The following PDCD11 variants were observed in gnomAD, a reference collection of about 807,000 sequenced individuals.
PDCD11 encodes programmed cell death 11, also known as protein RRP5 homolog.
PDCD11 carries 97 observed loss-of-function variants against 198.9 expected under a neutral mutation model. That is an observed-to-expected ratio of 0.49 (90% CI 0.41 to 0.58). The LOEUF (loss-of-function observed/expected upper bound fraction) is 0.58. PDCD11 is among the 20% of genes least tolerant of loss of function. The pLI is 0.00. For synonymous variants in PDCD11, 893 were observed against 918.0 expected (o/e 0.97, Z 0.49); for missense variants, 2,102 against 2,312.7 (o/e 0.91, Z 1.87).
At chr10:103,409,629 G>A in intron 7 of PDCD11, 70 bp from the exon 8 acceptor site, 1 of 1,022,074 alleles carries the variant, frequency 9.8e-7, no homozygotes, top group Non-Finnish European at 1.6e-6. Flanking sequence ...AGTGTTTACT[G>A]TGAGCAATGT....
intron 17 of PDCD11, among the ~76,000 whole-genome samples, chr10:103,422,144 C>T (rs974672214): frequency 2.8e-4 from 42 of 148,992 alleles, no homozygotes; most frequent in Admixed American, 8.0e-4. Context: ...TGTGGTGGTG[C>T]GATCTTGGCC....
intron 25 of PDCD11, among the ~76,000 whole-genome samples, chr10:103,436,783 A>G (rs2032172057): frequency 1.3e-5 from 2 of 152,248 alleles, no homozygotes; most frequent in South Asian, 4.1e-4. Flanking sequence ...TCTGATGGCT[A>G]TGATGCCACG....
chr10:103,438,182 A>G, intron 26 of PDCD11, 111 bp downstream of exon 26: 1 of 817,798 alleles, frequency 1.2e-6, no homozygotes, highest in Non-Finnish European at 2.1e-6. Context: ...TCTGCTCATC[A>G]CTTTTTATCC....
chr10:103,405,337 C>G (rs1279488638), intron 5 of PDCD11, 154 bp downstream of exon 5: 3 of 630,074 alleles, frequency 4.8e-6, no homozygotes, highest in Non-Finnish European at 8.3e-6. Flanking sequence ...TCTTTGGGCA[C>G]TTAATGGACA....
In PDCD11 at chr10:103,443,284, A is replaced by G. The variant is rs1410270268; in HGVS notation, c.5075A>G (p.Lys1692Arg). The change falls in exon 33 of 36, where the codon AAA becomes AGA. Residue 1692 changes from lysine (K) to arginine (R), a missense_variant. Physicochemically the swap from Lys to Arg is conservative, Grantham distance 26. Transcript: ENST00000369797. Reference sequence around the variant, plus strand: ...GCCGTGCAGTACAACGAGCCTCTCAAAGTCTTTCTCCACCTGGCTGACATC... The same window carrying G: ...GCCGTGCAGTACAACGAGCCTCTCAGAGTCTTTCTCCACCTGGCTGACATC... ...ERAVQYNEPL[K>R]VFLHLADIYA... is the part of the protein sequence containing the mutation. 3 of 1,612,446 alleles carry G rather than the reference A, an allele frequency of 1.9e-6. No homozygotes were observed. Among genetic ancestry groups the G allele is most frequent in the African/African-American group, 2.7e-5 (2 of 74,852 alleles).
intron 6 of PDCD11, 34 bp downstream of exon 6, chr10:103,406,142 T>G (rs1443516334): frequency 6.2e-7 from 1 of 1,608,064 alleles, no homozygotes; most frequent in African/African-American, 1.3e-5. Context: ...TACATGGTGG[T>G]GAGGTGGTAC....
At chr10:103,420,504 G>C (rs2031360636) in intron 16 of PDCD11, among the ~76,000 whole-genome samples, 1 of 152,136 alleles carries the variant, frequency 6.6e-6, no homozygotes, top group African/African-American at 2.4e-5. Context: ...AGAGCCTCCT[G>C]GTGTGCCTGG....
chr10:103,443,139 T>A (rs2032459747), intron 32 of PDCD11, 26 bp from the exon 33 acceptor site: 3 of 1,549,140 alleles, frequency 1.9e-6, no homozygotes, highest in Non-Finnish European at 1.8e-6. Context: ...CATGTGGCGC[T>A]CATGTGCTGA....
At chr10:103,443,381 A>G (rs772662012) in intron 33 of PDCD11, 48 bp downstream of exon 33, 32 of 1,532,312 alleles carry the variant, frequency 2.1e-5, no homozygotes, top group African/African-American at 1.1e-4. Flanking sequence ...CAGGGCCACA[A>G]TCTCAGAGAA....
chr10:103,443,852 TTGTC>T (rs1393530649), intron 33 of PDCD11, 59 bp from the exon 34 acceptor site: 29 of 1,525,546 alleles, frequency 1.9e-5, no homozygotes, highest in Non-Finnish European at 2.3e-5. Context: ...GTGTTGCTGC[TTGTC>T]TGTCTTGTCC....
chr10:103,409,913 T>C (rs1406545801), intron 8 of PDCD11, 107 bp downstream of exon 8: 3 of 779,270 alleles, frequency 3.8e-6, no homozygotes, highest in Non-Finnish European at 6.8e-6. Flanking sequence ...CATACAGGTG[T>C]GCAGAGAGGA....
chr10:103,430,630 A>C (rs12265142), intron 21 of PDCD11, among the ~76,000 whole-genome samples: 7,771 of 133,860 alleles, frequency 0.058, 665 homozygotes, highest in African/African-American at 0.2. Context: ...AACACTCGTT[A>C]TTTTCTTTTT....
At chr10:103,418,035 G>C in intron 14 of PDCD11, 103 bp downstream of exon 14, 8 of 1,328,330 alleles carry the variant, frequency 6.0e-6, no homozygotes, top group Non-Finnish European at 8.5e-6. Context: ...AAAGATAGAG[G>C]TAGCTAGATA....
intron 8 of PDCD11, among the ~76,000 whole-genome samples, chr10:103,411,512 C>G (rs1356900410): frequency 1.3e-5 from 2 of 152,080 alleles, no homozygotes; most frequent in African/African-American, 4.8e-5. Context: ...ACTACGGATG[C>G]ATGCCACCAC....
chr10:103,414,429 A>G, intron 11 of PDCD11, 99 bp downstream of exon 11: 1 of 772,752 alleles, frequency 1.3e-6, no homozygotes, highest in Admixed American at 2.4e-5. Flanking sequence ...ATGTTAACAC[A>G]TTGAATGTCA....
intron 4 of PDCD11, among the ~76,000 whole-genome samples, chr10:103,404,715 G>A (rs981304454): frequency 1.3e-5 from 2 of 152,218 alleles, no homozygotes; most frequent in African/African-American, 4.8e-5. Context: ...TGAGAGGGGT[G>A]GAAAGCAGAT....
rs1434496951 is a variant in PDCD11 at position 103,444,116 on chromosome 10, G to A, written c.5278+48G>A. ...TGAGCCCATGAGCACTCCAGGATCG[G>A]GGAGTAGGAACTGGCTGTGGCATTG... On this transcript the variant is annotated intron_variant, in intron 34 of 35. Coordinates refer to ENST00000369797, the MANE Select transcript of PDCD11 (RefSeq NM_014976.2). 5 of 1,543,862 alleles carry A rather than the reference G, an allele frequency of 3.2e-6. No homozygotes were observed. In the East Asian group the frequency reaches 1.1e-4, roughly 35 times the overall value.
intron 16 of PDCD11, among the ~76,000 whole-genome samples, chr10:103,420,226 A>G (rs1211121939): frequency 1.3e-5 from 2 of 151,978 alleles, no homozygotes; most frequent in African/African-American, 2.4e-5. Context: ...CTGTGTGACC[A>G]TCTGGAGGAA....
intron 1 of PDCD11, among the ~76,000 whole-genome samples, chr10:103,397,388 A>G (rs1402714871): frequency 6.6e-6 from 1 of 152,102 alleles, no homozygotes; most frequent in Admixed American, 6.6e-5. Context: ...GACTTGCCAA[A>G]GCAAACTACC....
Sources: gnomAD v4.1 joint callset for allele counts (sites outside exome capture counted in the v4.1 genomes callset) on GRCh38, gnomAD v4.1.1 for gene constraint, MANE v1.5 for transcripts, NCBI Gene and HGNC (gene_info 2026-07-23, HGNC 2026-07-21) for gene names.